COL4A1: variants seen among roughly 807,000 people sequenced by gnomAD.
The protein encoded by COL4A1 is collagen alpha-1(IV) chain.
Under a neutral mutation model 216.6 loss-of-function variants are expected in COL4A1, and 40 were observed. The observed-to-expected ratio is 0.18, with a 90% CI of 0.14 to 0.24. The LOEUF is 0.24. COL4A1 is among the 10% of genes least tolerant of loss of function. The pLI is 1.00. For missense variants in COL4A1, 1,628 were observed against 2,196.8 expected, an observed-to-expected ratio of 0.74 and a Z score of 5.18; for synonymous variants, 839 against 810.7, an observed-to-expected ratio of 1.03 and a Z score of -0.59.
chr13:110,280,268 C>T lies in COL4A1; in HGVS notation c.84+26676G>A, dbSNP rs113248534. Among the ~76,000 whole-genome samples the T allele has an allele frequency of 9.6e-3, 1,469 of 152,236 alleles. 28 individuals carry two copies. Among genetic ancestry groups the T allele is most frequent in the African/African-American group, 0.033 (1,381 of 41,532 alleles). ...TGCTGCGTGTTTGCTCCATCTGTGC[C>T]GAACAGCACATCCAGATTTTCAGAC... On this transcript the variant is annotated intron_variant, in intron 1 of 51. Transcript: ENST00000375820.
At chr13:110,262,697 A>C (rs981324357) in intron 1 of COL4A1, among the ~76,000 whole-genome samples, 12 of 152,134 alleles carry the variant, frequency 7.9e-5, no homozygotes, top group African/African-American at 2.9e-4. Flanking sequence ...GAAACAATAC[A>C]TGTTTCAGGG....
intron 18 of COL4A1, among the ~76,000 whole-genome samples, chr13:110,202,264 G>A (rs1172301596): frequency 2.7e-5 from 4 of 149,954 alleles, no homozygotes; most frequent in African/African-American, 4.9e-5. Context: ...AAAAGTAGGC[G>A]CTTCCTTAAG....
At chr13:110,162,491 C>T in intron 47 of COL4A1, 49 bp from the exon 48 acceptor site, 1 of 1,305,988 alleles carries the variant, frequency 7.7e-7, no homozygotes, top group South Asian at 1.2e-5. Context: ...ACACGCTCCC[C>T]TAAAGGCTTT....
chr13:110,189,849 T>C lies in COL4A1; in HGVS notation c.1536+2365A>G, dbSNP rs75505958. Among the ~76,000 whole-genome samples the C allele has an allele frequency of 2.0e-3, 299 of 152,166 alleles. 1 individual carries two copies. Among genetic ancestry groups the C allele is most frequent in the African/African-American group, 6.7e-3 (278 of 41,522 alleles). On this transcript the variant is annotated intron_variant, in intron 24 of 51. Coordinates refer to ENST00000375820, the MANE Select transcript of COL4A1 (RefSeq NM_001845.6). ...TCTATTTGCAGAGCTGTCTCTCCAC[T>C]AGTATTTCAGGGCTCTGAGGGTAGG...
At chr13:110,184,703 T>TTTTG (rs369415895) in intron 26 of COL4A1, among the ~76,000 whole-genome samples, 4 of 149,142 alleles carry the variant, frequency 2.7e-5, no homozygotes, top group East Asian at 4.0e-4. Flanking sequence ...TGTGTGTGTG[T>TTTTG]TTTGTTTGTT....
At chr13:110,261,763 C>T (rs1882837225) in intron 1 of COL4A1, among the ~76,000 whole-genome samples, 1 of 152,216 alleles carries the variant, frequency 6.6e-6, no homozygotes, top group Non-Finnish European at 1.5e-5. Flanking sequence ...AGGGGCTCTG[C>T]CAGACATTGT....
intron 1 of COL4A1, among the ~76,000 whole-genome samples, chr13:110,258,643 C>A (rs914600017): frequency 1.1e-4 from 17 of 152,098 alleles, no homozygotes; most frequent in African/African-American, 4.1e-4. Flanking sequence ...AAAAAATAGT[C>A]AATCTGAAAT....
At chr13:110,288,589 G>T (rs1024059152) in intron 1 of COL4A1, among the ~76,000 whole-genome samples, 1 of 152,166 alleles carries the variant, frequency 6.6e-6, no homozygotes, top group Non-Finnish European at 1.5e-5. Context: ...TCACAAAAAT[G>T]TATGTCATTT....
chr13:110,156,854 C>G (rs1027324249), intron 49 of COL4A1, among the ~76,000 whole-genome samples: 11 of 152,172 alleles, frequency 7.2e-5, no homozygotes, highest in African/African-American at 2.6e-4. Context: ...ATTTGATTTT[C>G]CATGGACTTG....
rs1398182196 is a variant in COL4A1, at chr13:110,211,541, A to C, written c.468+106T>G. On this transcript the variant is annotated intron_variant, in intron 8 of 51. Transcript: ENST00000375820. The surrounding 1 kb of genome is among the most constrained non-coding windows in gnomAD (Gnocchi z 4.3). ...AGAGTTTAGGGAAGTGTGTTCAGAA[A>C]CAATCGATCAGCCAAAGTGGTTTAA... 4.6e-6 allele frequency: 5 copies of C among 1,091,148 alleles called. No individual in the cohort carries two copies. The highest frequency in any genetic ancestry group is 2.1e-5 in the Admixed American group (1 of 47,190). The allele number at this position is 1,091,148 out of a possible 1,614,324, so 67.6% of individuals were successfully genotyped here.
At chr13:110,164,262 G>T (rs1877231432) in intron 46 of COL4A1, among the ~76,000 whole-genome samples, 1 of 152,054 alleles carries the variant, frequency 6.6e-6, no homozygotes, top group African/African-American at 2.4e-5. Context: ...CAAAAAGCCG[G>T]CATTACATAG....
chr13:110,189,040 GTTTTTTGTTT>G (rs1385608832), intron 24 of COL4A1, among the ~76,000 whole-genome samples: 1 of 152,086 alleles, frequency 6.6e-6, no homozygotes, highest in East Asian at 1.9e-4. Context: ...ATTTGTTTTT[GTTTTTTGTTT>G]TGTTTTGTTT....
intron 1 of COL4A1, among the ~76,000 whole-genome samples, chr13:110,245,786 T>G (rs1881778727): frequency 1.3e-5 from 2 of 152,116 alleles, no homozygotes; most frequent in African/African-American, 4.8e-5. Context: ...TTCTTGTGCT[T>G]TTGGTACAGA....
chr13:110,299,180 C>G (rs1466245330), intron 1 of COL4A1, among the ~76,000 whole-genome samples: 1 of 152,198 alleles, frequency 6.6e-6, no homozygotes, highest in African/African-American at 2.4e-5. Flanking sequence ...ACTAACGTCC[C>G]GACACTGCAG....
intron 8 of COL4A1, among the ~76,000 whole-genome samples, chr13:110,210,730 T>C (rs937802748): frequency 1.3e-5 from 2 of 152,198 alleles, no homozygotes; most frequent in African/African-American, 4.8e-5. Flanking sequence ...CTTAAATCAG[T>C]AGACTCTGAA....
chr13:110,275,615 T>G (rs1481526075), intron 1 of COL4A1, among the ~76,000 whole-genome samples: 1 of 152,214 alleles, frequency 6.6e-6, no homozygotes, highest in African/African-American at 2.4e-5. Context: ...TACAGCAGCT[T>G]TATTCATAAC....
At chr13:110,277,128 T>C (rs888407220) in intron 1 of COL4A1, among the ~76,000 whole-genome samples, 2 of 152,200 alleles carry the variant, frequency 1.3e-5, no homozygotes, top group African/African-American at 2.4e-5. Flanking sequence ...TGATTGAAAT[T>C]TGCATCCCAA....
intron 2 of COL4A1, among the ~76,000 whole-genome samples, chr13:110,240,591 C>A (rs896413240): frequency 2.6e-5 from 4 of 152,246 alleles, no homozygotes; most frequent in African/African-American, 9.6e-5. Flanking sequence ...GGGGCCACCC[C>A]CAGCAAGGGC....
At chr13:110,219,709 T>TGTATATATATATGTATATAC (rs1179213320) in intron 2 of COL4A1, among the ~76,000 whole-genome samples, 1 of 116,724 alleles carries the variant, frequency 8.6e-6, no homozygotes, top group African/African-American at 3.4e-5. Context: ...TGTATATACA[T>TGTATATATATATGTATATAC]ATGTGTATAT....
Sources: gnomAD v4.1 joint callset for allele counts (sites outside exome capture counted in the v4.1 genomes callset) on GRCh38, gnomAD v4.1.1 for gene constraint, Gnocchi (gnomAD v3.1) non-coding constraint, MANE v1.5 for transcripts, NCBI Gene and HGNC (gene_info 2026-07-23, HGNC 2026-07-21) for gene names.